XIRP2: variants seen among roughly 807,000 people sequenced by gnomAD.
XIRP2 encodes xin actin-binding repeat-containing protein 2.
XIRP2 carries 236 observed loss-of-function variants against 277.0 expected under a neutral mutation model. That is an observed-to-expected ratio of 0.85 (90% confidence interval 0.77 to 0.95). The LOEUF is 0.95. Among genes scored for constraint, XIRP2 ranks in the 40% least tolerant of loss-of-function variants. The pLI, the probability that XIRP2 is intolerant of heterozygous loss-of-function variation, is 0.00. For missense variants in XIRP2, 4,640 were observed against 4,157.5 expected, an observed-to-expected ratio of 1.12 and a Z score of -3.19; for synonymous variants, 1,490 against 1,416.5, an observed-to-expected ratio of 1.05 and a Z score of -1.17.
Position 167,244,819 on chromosome 2 carries a change from T to G in XIRP2, c.3427T>G (p.Ser1143Ala). The part of the protein sequence containing the change: ...TQPLDTIKDD[S>A]ETAVKLQTVK... Reference sequence around the variant, plus strand: ...GCCACTTGATACCATAAAAGATGACTCTGAAACAGCAGTCAAATTGCAAAC... The same window carrying G: ...GCCACTTGATACCATAAAAGATGACGCTGAAACAGCAGTCAAATTGCAAAC... Residue 1143 changes from serine (S) to alanine (A), a missense_variant, in exon 9 of 11, where the codon TCT becomes GCT. Ser to Ala is a moderately conservative substitution (Grantham distance 99). Coordinates refer to ENST00000409195, the MANE Select transcript of XIRP2 (RefSeq NM_152381.6). 1 of 1,613,652 alleles carries G rather than the reference T, an allele frequency of 6.2e-7. No homozygotes were observed. The highest frequency in any genetic ancestry group is 8.5e-7 in the Non-Finnish European group (1 of 1,179,748).
intron 2 of XIRP2, among the ~76,000 whole-genome samples, chr2:167,112,716 A>G (rs1690794106): frequency 6.6e-6 from 1 of 151,986 alleles, no homozygotes; most frequent in African/African-American, 2.4e-5. Flanking sequence ...CAGTGGCACA[A>G]CCTTGGCTTA....
intron 3 of XIRP2, among the ~76,000 whole-genome samples, chr2:167,189,497 G>A (rs928463756): frequency 6.6e-6 from 1 of 152,134 alleles, no homozygotes; most frequent in Non-Finnish European, 1.5e-5. Context: ...TCTTATGAAA[G>A]CATTGAAGTT....
At chr2:167,049,888 T>C (rs1688874575) in intron 2 of XIRP2, among the ~76,000 whole-genome samples, 1 of 151,818 alleles carries the variant, frequency 6.6e-6, no homozygotes, top group African/African-American at 2.4e-5. Flanking sequence ...ACAAATATCG[T>C]TGTTTTAGTT....
chr2:166,975,392 T>C (rs769092064), intron 2 of XIRP2, among the ~76,000 whole-genome samples: 71 of 152,320 alleles, frequency 4.7e-4, no homozygotes, highest in Middle Eastern at 3.4e-3. Flanking sequence ...TACCATATAG[T>C]GGGTCATAAT....
chr2:167,107,898 G>A (rs1327232499), intron 2 of XIRP2, among the ~76,000 whole-genome samples: 11 of 151,650 alleles, frequency 7.3e-5, no homozygotes, highest in African/African-American at 2.2e-4. Flanking sequence ...GATTATAAAT[G>A]TGATTTCCTT....
chr2:167,134,861 G>A (rs539685691), intron 2 of XIRP2, among the ~76,000 whole-genome samples: 25 of 152,272 alleles, frequency 1.6e-4, no homozygotes, highest in African/African-American at 5.8e-4. Flanking sequence ...CAGCTTCTAA[G>A]TGAATCACGG....
chr2:167,030,165 T>G (rs1050714402), intron 2 of XIRP2, among the ~76,000 whole-genome samples: 20 of 152,266 alleles, frequency 1.3e-4, no homozygotes, highest in African/African-American at 4.8e-4. Flanking sequence ...AAAAACAAGC[T>G]GCTGGATTCA....
chr2:167,055,196 A>T (rs558390463), intron 2 of XIRP2, among the ~76,000 whole-genome samples: 1 of 152,058 alleles, frequency 6.6e-6, no homozygotes, highest in Non-Finnish European at 1.5e-5. Flanking sequence ...CTTTCTCTTC[A>T]CCGTGCTAAA....
At position 167,126,051 on chromosome 2, in the gene XIRP2, C is replaced by T. The variant is rs569509574; in HGVS notation, c.409-9858C>T. ...TCCAAGTGATGTGAGCTTCTCAATA[C>T]GTGGTGATGGCTTCTGAGAGGGAGC... is the stretch of plus-strand genomic sequence containing the variant. On this transcript the variant is annotated intron_variant, in intron 2 of 10. Coordinates refer to ENST00000409195, the MANE Select transcript of XIRP2 (RefSeq NM_152381.6). Among the ~76,000 whole-genome samples, 320 of 152,236 alleles carry T rather than the reference C, an allele frequency of 2.1e-3. 1 individual carries two copies. The highest frequency in any genetic ancestry group is 7.4e-3 in the African/African-American group (306 of 41,542).
At chr2:167,040,498 A>G (rs1379522242) in intron 2 of XIRP2, among the ~76,000 whole-genome samples, 1 of 152,144 alleles carries the variant, frequency 6.6e-6, no homozygotes, top group Admixed American at 6.6e-5. Flanking sequence ...GCCCAGGGAC[A>G]TTTGAGCTGG....
chr2:166,891,443 T>C (rs559383133), intron 1 of XIRP2, among the ~76,000 whole-genome samples: 22 of 152,208 alleles, frequency 1.4e-4, no homozygotes, highest in Non-Finnish European at 3.1e-4. Flanking sequence ...CTGATAAACC[T>C]AGCATAGCTG....
chr2:167,136,089 C>G (rs771073743), intron 3 of XIRP2, 27 bp downstream of exon 3: 2 of 1,570,894 alleles, frequency 1.3e-6, no homozygotes, highest in Non-Finnish European at 1.7e-6. Context: ...GATATGCTTT[C>G]TTGACATCAT....
chr2:167,244,923 A>G lies in XIRP2; in HGVS notation c.3531A>G (p.Ile1177Met), dbSNP rs1330968180. The G allele has an allele frequency of 3.1e-6, 5 of 1,612,964 alleles. No homozygotes were observed. The highest frequency in any genetic ancestry group is 2.2e-5 in the South Asian group (2 of 90,820). ...TTGAGACAGAAAATTTGGACAGCAT[A>G]CAAGGAGAAGAAGTGAAGGAAATCA... is the stretch of plus-strand genomic sequence containing the variant. ...FLFETENLDS[I>M]QGEEVKEIKP... The change falls in exon 9 of 11, where the codon ATA becomes ATG. Residue 1177 changes from isoleucine (I) to methionine (M), a missense_variant. Transcript: ENST00000409195.
intron 2 of XIRP2, among the ~76,000 whole-genome samples, chr2:166,972,454 A>G (rs1433534261): frequency 6.6e-6 from 1 of 152,170 alleles, no homozygotes; most frequent in Non-Finnish European, 1.5e-5. Context: ...AACAGGAACT[A>G]TACCTCTCTG....
intron 3 of XIRP2, among the ~76,000 whole-genome samples, chr2:167,197,092 A>C (rs1408218309): frequency 6.6e-6 from 1 of 152,208 alleles, no homozygotes; most frequent in African/African-American, 2.4e-5. Context: ...ATTTTTGCAC[A>C]GTTCTAATTT....
At chr2:166,903,958 T>G in intron 2 of XIRP2, 68 bp downstream of exon 2, 1 of 1,522,906 alleles carries the variant, frequency 6.6e-7, no homozygotes, top group East Asian at 2.3e-5. Flanking sequence ...CATTTATTAC[T>G]AAGCATGTAA....
At chr2:167,162,394 T>G (rs1215795056) in intron 3 of XIRP2, among the ~76,000 whole-genome samples, 1 of 152,182 alleles carries the variant, frequency 6.6e-6, no homozygotes, top group East Asian at 1.9e-4. Flanking sequence ...GACTGACAGT[T>G]CCACATGGCT....
At chr2:167,094,469 A>G (rs1016364153) in intron 2 of XIRP2, among the ~76,000 whole-genome samples, 2 of 152,116 alleles carry the variant, frequency 1.3e-5, no homozygotes, top group Non-Finnish European at 2.9e-5. Flanking sequence ...TAAGTCTTTA[A>G]TCCATCTTGA....
At chr2:166,913,854 A>T (rs1684786610) in intron 2 of XIRP2, among the ~76,000 whole-genome samples, 1 of 152,212 alleles carries the variant, frequency 6.6e-6, no homozygotes, top group Admixed American at 6.5e-5. Context: ...CAGTAGAAGG[A>T]TCCAAGTTGA....
Sources: gnomAD v4.1 joint callset for allele counts (sites outside exome capture counted in the v4.1 genomes callset) on GRCh38, gnomAD v4.1.1 for gene constraint, MANE v1.5 for transcripts, NCBI Gene and HGNC (gene_info 2026-07-23, HGNC 2026-07-21) for gene names.